SIPA1L3: variants seen among roughly 807,000 people sequenced by gnomAD.
SIPA1L3 encodes signal induced proliferation associated 1 like 3, also known as signal-induced proliferation-associated 1-like protein 3.
A neutral mutation model predicts 150.1 loss-of-function variants in SIPA1L3; 59 were observed. That is an observed-to-expected ratio of 0.39 (90% CI 0.32 to 0.49). SIPA1L3 has a LOEUF of 0.49. SIPA1L3 is among the 20% of genes least tolerant of loss of function. The pLI, the probability that SIPA1L3 is intolerant of heterozygous loss-of-function variation, is 0.86. For synonymous variants in SIPA1L3, 1,070 were observed against 1,077.6 expected, an observed-to-expected ratio of 0.99 and a Z score of 0.14; for missense variants, 2,211 against 2,489.5, an observed-to-expected ratio of 0.89 and a Z score of 2.38.
chr19:38,105,596 A>G (rs1280451768), intron 6 of SIPA1L3, among the ~76,000 whole-genome samples: 1 of 152,140 alleles, frequency 6.6e-6, no homozygotes, highest in African/African-American at 2.4e-5. Context: ...GCTTTTCTTC[A>G]TAGTTTTGCT....
intron 1 of SIPA1L3, chr19:37,964,399 T>C (rs577452301): frequency 6.6e-6 from 1 of 152,272 alleles, no homozygotes; most frequent in Non-Finnish European, 1.5e-5. Flanking sequence ...CTCAAAAAAA[T>C]AAGATAAAAG....
chr19:38,124,107 C>T (rs1417560214), intron 9 of SIPA1L3, among the ~76,000 whole-genome samples: 2 of 149,246 alleles, frequency 1.3e-5, no homozygotes, highest in African/African-American at 4.9e-5. Flanking sequence ...GGGGCTGACC[C>T]CCCACCTCCC....
intron 1 of SIPA1L3, among the ~76,000 whole-genome samples, chr19:37,919,029 T>C (rs2046436466): frequency 6.6e-6 from 1 of 152,120 alleles, no homozygotes; most frequent in Admixed American, 6.6e-5. Context: ...AGAGCTTAGC[T>C]TGTGAATGTG....
intron 1 of SIPA1L3, among the ~76,000 whole-genome samples, chr19:38,020,692 C>T (rs1385602173): frequency 6.6e-6 from 1 of 152,216 alleles, no homozygotes. Flanking sequence ...AGAAGCTATT[C>T]TCTCTTCAGG....
At chr19:38,044,446 A>G (rs895801766) in intron 2 of SIPA1L3, among the ~76,000 whole-genome samples, 4 of 152,006 alleles carry the variant, frequency 2.6e-5, no homozygotes, top group Non-Finnish European at 4.4e-5. Flanking sequence ...CTGGGGAGGG[A>G]GTGCCAGTGA....
In SIPA1L3 at chr19:38,099,974, C is replaced by T. The variant is rs563747592; in HGVS notation, c.1678C>T (p.Arg560Trp). 6 of 1,605,876 alleles carry T rather than the reference C, an allele frequency of 3.7e-6. No individual in the cohort carries two copies. Among genetic ancestry groups the T allele is most frequent in the East Asian group, 2.3e-5 (1 of 44,164 alleles). ...IFRTRELITL[R>W]GSILEDATPT... ...CTCCCTTGAGTAGCTCATCACCCTG[C>T]GGGGCTCCATCCTGGAAGATGCTAC... The change falls in exon 5 of 22, where the codon CGG (arginine) becomes TGG (tryptophan). Residue 560 changes from arginine to tryptophan, a missense_variant. Around this residue, in one of 5 missense-constraint regions of SIPA1L3, gnomAD observed 625 missense variants for 804.2 expected, o/e 0.78. Coordinates refer to ENST00000222345, the MANE Select transcript of SIPA1L3 (RefSeq NM_015073.3).
intron 15 of SIPA1L3, among the ~76,000 whole-genome samples, chr19:38,174,553 G>A (rs1972397076): frequency 6.6e-6 from 1 of 152,116 alleles, no homozygotes; most frequent in African/African-American, 2.4e-5. Context: ...TGTAAAATGG[G>A]GGTAATAGGA....
chr19:38,022,481 C>T (rs903972867), intron 1 of SIPA1L3, among the ~76,000 whole-genome samples: 3 of 151,040 alleles, frequency 2.0e-5, no homozygotes, highest in Admixed American at 6.6e-5. Flanking sequence ...AGGCAGATCA[C>T]GAAGTCAGGA....
At chr19:38,190,949 T>C (rs964004755) in intron 16 of SIPA1L3, among the ~76,000 whole-genome samples, 6 of 152,210 alleles carry the variant, frequency 3.9e-5, no homozygotes, top group Non-Finnish European at 7.3e-5. Flanking sequence ...AGCTTGGCAG[T>C]GGCGTGGGTA....
At chr19:37,910,141 A>C (rs376742359) in intron 1 of SIPA1L3, among the ~76,000 whole-genome samples, 147 of 152,298 alleles carry the variant, frequency 9.7e-4, no homozygotes, top group African/African-American at 3.3e-3. Flanking sequence ...TTTGCTGTAA[A>C]ATATATTTTA....
intron 14 of SIPA1L3, among the ~76,000 whole-genome samples, chr19:38,163,815 A>C (rs1386924075): frequency 6.6e-6 from 1 of 152,178 alleles, no homozygotes; most frequent in East Asian, 1.9e-4. Flanking sequence ...CCATGCTGGG[A>C]ACTCTCACTT....
intron 6 of SIPA1L3, 66 bp downstream of exon 6, chr19:38,101,292 A>T: frequency 8.0e-7 from 1 of 1,251,850 alleles, no homozygotes; most frequent in Non-Finnish European, 1.1e-6. Flanking sequence ...GGCAAAGCTT[A>T]AAAGGCCTGG....
At chr19:37,967,074 C>T (rs376278328) in intron 1 of SIPA1L3, among the ~76,000 whole-genome samples, 12 of 152,162 alleles carry the variant, frequency 7.9e-5, no homozygotes, top group Admixed American at 6.6e-4. Flanking sequence ...GGTCTGGGCT[C>T]GGGCTGGGTT....
In SIPA1L3 at chr19:37,913,902, T is replaced by C. The variant is rs533766386; in HGVS notation, c.-379+6544T>C. Among the ~76,000 whole-genome samples the C allele has an allele frequency of 9.9e-5, 15 of 151,050 alleles. No individual in the cohort carries two copies. The East Asian group carries it at 3.0e-3, about 30-fold the overall frequency. On this transcript the variant is annotated intron_variant, in intron 1 of 21. Transcript: ENST00000222345. The stretch of plus-strand genomic sequence containing the variant: ...TGGTGACAGGCGCCTGTAGTCCCAG[T>C]TACTCGGGAGGCTGAGGCAGGAGAA...
At chr19:37,989,345 G>A (rs555152656) in intron 1 of SIPA1L3, among the ~76,000 whole-genome samples, 1 of 151,888 alleles carries the variant, frequency 6.6e-6, no homozygotes, top group East Asian at 2.0e-4. Context: ...TCAGCCTCCT[G>A]AGTAGCTGAG....
At chr19:38,048,284 A>C (rs1969106614) in intron 2 of SIPA1L3, among the ~76,000 whole-genome samples, 1 of 152,138 alleles carries the variant, frequency 6.6e-6, no homozygotes, top group Non-Finnish European at 1.5e-5. Context: ...GTGGATGGGC[A>C]CCAGGTGGAT....
chr19:38,031,412 A>C (rs1042079701), intron 2 of SIPA1L3, among the ~76,000 whole-genome samples: 6 of 152,234 alleles, frequency 3.9e-5, no homozygotes, highest in African/African-American at 1.4e-4. Context: ...CCGATCTGGA[A>C]CAATTCCTCC....
intron 8 of SIPA1L3, among the ~76,000 whole-genome samples, chr19:38,116,264 CT>C (rs1412374258): frequency 3.9e-5 from 6 of 152,084 alleles, no homozygotes; most frequent in Non-Finnish European, 8.8e-5. Context: ...AATCCCAGCA[CT>C]TTGGAAGTCC....
chr19:37,980,949 C>A (rs983730851), intron 1 of SIPA1L3, among the ~76,000 whole-genome samples: 2 of 152,196 alleles, frequency 1.3e-5, no homozygotes, highest in Non-Finnish European at 2.9e-5. Flanking sequence ...CGGGACACAT[C>A]CCATCAGTTC....
Sources: gnomAD v4.1 joint callset for allele counts (sites outside exome capture counted in the v4.1 genomes callset) on GRCh38, gnomAD v4.1.1 for gene constraint, gnomAD v4.1.1 regional missense constraint, MANE v1.5 for transcripts, NCBI Gene and HGNC (gene_info 2026-07-23, HGNC 2026-07-21) for gene names.